Variants in DTNA observed in about 807,000 individuals in gnomAD.
DTNA encodes dystrophin-related protein 3.
A neutral mutation model predicts 100.7 loss-of-function variants in DTNA; 43 were observed. The observed-to-expected ratio is 0.43, with a 90% CI of 0.33 to 0.55. The LOEUF (loss-of-function observed/expected upper bound fraction) is 0.55, where lower values mean the gene tolerates loss of function less well. DTNA is among the 20% of genes least tolerant of loss of function. The probability of loss-of-function intolerance (pLI) is 0.04; values close to 1 mark genes in which losing one functional copy is unlikely to be tolerated. For synonymous variants in DTNA, 349 were observed against 347.9 expected (o/e 1.00, Z -0.04); for missense variants, 798 against 953.9 (o/e 0.84, Z 2.15).
At chr18:34,651,994 G>A (rs1475770086) in intron 1 of DTNA, among the ~76,000 whole-genome samples, 1 of 151,862 alleles carries the variant, frequency 6.6e-6, no homozygotes, top group Non-Finnish European at 1.5e-5. Context: ...TGAGCCAGGG[G>A]GGTCAAGGCT....
chr18:34,513,610 A>G (rs981620694), intron 1 of DTNA: 9 of 152,110 alleles, frequency 5.9e-5, no homozygotes, highest in African/African-American at 1.2e-4. Flanking sequence ...ATCAGTGTCT[A>G]TGTACAGTTG....
chr18:34,648,229 A>G (rs1281451116), intron 1 of DTNA, among the ~76,000 whole-genome samples: 3 of 152,220 alleles, frequency 2.0e-5, no homozygotes, highest in Admixed American at 6.5e-5. Context: ...CAAGGGCTGT[A>G]TCAGGCAAGG....
chr18:34,522,205 T>A (rs2145245131), intron 1 of DTNA, among the ~76,000 whole-genome samples: 1 of 152,288 alleles, frequency 6.6e-6, no homozygotes, highest in South Asian at 2.1e-4. Flanking sequence ...CTAGATCAGT[T>A]TAGTCCTTAA....
At chr18:34,671,224 C>T (rs1411292547) in intron 1 of DTNA, among the ~76,000 whole-genome samples, 4 of 152,148 alleles carry the variant, frequency 2.6e-5, no homozygotes, top group South Asian at 2.1e-4. Flanking sequence ...TGAGACCCTC[C>T]GAGCCATGCG....
chr18:34,592,466 T>TC (rs2049833872), intron 1 of DTNA, among the ~76,000 whole-genome samples: 1 of 83,222 alleles, frequency 1.2e-5, no homozygotes, highest in African/African-American at 5.3e-5. Context: ...TACACTTGTA[T>TC]AACACACACA....
At chr18:34,665,591 A>C (rs952195167) in intron 1 of DTNA, among the ~76,000 whole-genome samples, 1 of 152,068 alleles carries the variant, frequency 6.6e-6, no homozygotes, top group African/African-American at 2.4e-5. Context: ...ACCCCACAAC[A>C]GGCCCCAGTG....
chr18:34,568,669 G>C (rs1263092708), intron 1 of DTNA, among the ~76,000 whole-genome samples: 1 of 151,998 alleles, frequency 6.6e-6, no homozygotes, highest in Non-Finnish European at 1.5e-5. Context: ...TGTCACCCAA[G>C]CCGGAGTGCA....
At chr18:34,875,541 C>A in intron 18 of DTNA, 143 bp downstream of exon 18, 3 of 1,254,288 alleles carry the variant, frequency 2.4e-6, no homozygotes, top group Non-Finnish European at 3.4e-6. Flanking sequence ...GGCCTGCCAG[C>A]CATTTTGGGA....
At chr18:34,857,121 G>T (rs1298592018) in intron 15 of DTNA, among the ~76,000 whole-genome samples, 1 of 152,068 alleles carries the variant, frequency 6.6e-6, no homozygotes, top group African/African-American at 2.4e-5. Flanking sequence ...TGACATGTTG[G>T]GTATCCATGG....
intron 1 of DTNA, among the ~76,000 whole-genome samples, chr18:34,645,756 GA>G (rs1379673481): frequency 1.3e-5 from 2 of 152,016 alleles, no homozygotes; most frequent in African/African-American, 4.8e-5. Flanking sequence ...TGTAAGAGAA[GA>G]AAAAAAGTAA....
intron 1 of DTNA, among the ~76,000 whole-genome samples, chr18:34,605,344 T>C (rs2052821790): frequency 6.6e-6 from 1 of 152,146 alleles, no homozygotes; most frequent in African/African-American, 2.4e-5. Flanking sequence ...CAAATGTGTG[T>C]TTGAGCTTTT....
intron 3 of DTNA, among the ~76,000 whole-genome samples, chr18:34,768,748 C>T (rs1317042440): frequency 6.6e-6 from 1 of 152,192 alleles, no homozygotes; most frequent in East Asian, 1.9e-4. Context: ...GTATAATGAG[C>T]TCCTGCTATG....
rs9944927 is a variant in DTNA at position 34,890,327 on chromosome 18, G to C, written c.*2593G>C. On this transcript the variant is annotated 3_prime_UTR_variant, in exon 23 of 23. Coordinates refer to ENST00000444659, the MANE Select transcript of DTNA (RefSeq NM_001386795.1). ...CCACGTCAGCACTGAGACCAGACTC[G>C]AGCACCCCTGTCCTGTAAGCGAGAC... The C allele has an allele frequency of 7.8e-6, 12 of 1,535,726 alleles. No homozygotes were observed. Among genetic ancestry groups the C allele is most frequent in the African/African-American group, 1.4e-5 (1 of 72,996 alleles).
chr18:34,691,152 CA>C (rs1446472550), intron 1 of DTNA, among the ~76,000 whole-genome samples: 1 of 152,168 alleles, frequency 6.6e-6, no homozygotes, highest in Non-Finnish European at 1.5e-5. Flanking sequence ...CGTCATATAG[CA>C]CACCTATATT....
At chr18:34,735,485 C>A (rs764876199) in intron 1 of DTNA, among the ~76,000 whole-genome samples, 47 of 152,190 alleles carry the variant, frequency 3.1e-4, no homozygotes, top group Non-Finnish European at 5.3e-4. Context: ...AAAGGATGTG[C>A]ATTATAAACC....
intron 1 of DTNA, among the ~76,000 whole-genome samples, chr18:34,754,494 T>C (rs1399766541): frequency 6.6e-6 from 1 of 152,168 alleles, no homozygotes; most frequent in African/African-American, 2.4e-5. Flanking sequence ...GAGGACAGCG[T>C]GGTCCTGGCT....
chr18:34,815,007 G>C (rs1490092068), intron 6 of DTNA, among the ~76,000 whole-genome samples: 1 of 151,770 alleles, frequency 6.6e-6, no homozygotes, highest in African/African-American at 2.4e-5. Flanking sequence ...CTACTCAAGA[G>C]TCTGAGGTAG....
intron 13 of DTNA, among the ~76,000 whole-genome samples, chr18:34,839,811 G>A (rs1465993583): frequency 6.6e-6 from 1 of 152,064 alleles, no homozygotes; most frequent in Non-Finnish European, 1.5e-5. Context: ...TCTACTATTA[G>A]AGGAAAAGTA....
intron 1 of DTNA, among the ~76,000 whole-genome samples, chr18:34,526,967 C>A (rs997388238): frequency 6.6e-6 from 1 of 152,110 alleles, no homozygotes; most frequent in African/African-American, 2.4e-5. Flanking sequence ...TACTAAGGAA[C>A]AGACACTGAA....
Sources: allele counts gnomAD v4.1 joint callset (sites outside exome capture counted in the v4.1 genomes callset), GRCh38; gene constraint gnomAD v4.1.1; transcripts MANE v1.5; gene names NCBI Gene and HGNC (gene_info 2026-07-23, HGNC 2026-07-21).